WT1: variants seen among roughly 807,000 people sequenced by gnomAD.
The protein encoded by WT1 is Wilms tumor protein.
In WT1, 8 loss-of-function variants were observed where a neutral mutation model predicts 60.8. The observed-to-expected ratio is 0.13, with a 90% confidence interval of 0.08 to 0.24. WT1 has a LOEUF of 0.24. Ranked by LOEUF, WT1 falls within the 10% of genes least tolerant of loss-of-function variation. WT1 has a pLI of 1.00. For missense variants in WT1, 568 were observed against 711.8 expected (o/e 0.80, Z 2.30); for synonymous variants, 312 against 297.1 (o/e 1.05, Z -0.52).
chr11:32,408,264 G>A (rs1173592467), intron 5 of WT1, among the ~76,000 whole-genome samples: 2 of 150,270 alleles, frequency 1.3e-5, no homozygotes, highest in African/African-American at 4.9e-5. Context: ...TGTAATCCCA[G>A]CACTTTGGGA....
rs1851733216 is a variant in WT1, at chr11:32,388,777, C to T, written c.*281G>A. On this transcript the variant is annotated 3_prime_UTR_variant, in exon 10 of 10. Transcript: ENST00000452863. ...ACATGATCAGCTATGGCTCTTCTTACAGTAGAAAATCCACACCAAATGGCA... is the reference window on the plus strand; with the variant it reads ...ACATGATCAGCTATGGCTCTTCTTATAGTAGAAAATCCACACCAAATGGCA... 3 of 525,480 alleles carry T rather than the reference C, an allele frequency of 5.7e-6. No individual in the cohort carries two copies. Among genetic ancestry groups the T allele is most frequent in the Admixed American group, 6.4e-5 (2 of 31,078 alleles). 32.6% of individuals were successfully genotyped at this position (525,480 alleles called of 1,614,324 possible). A position where few individuals can be genotyped will look rare whatever the true frequency, so the allele number is the denominator to read the frequency against.
In WT1 at chr11:32,427,997, G is replaced by A. The variant is rs1281989931; in HGVS notation, c.846C>T (p.Cys282=). 3.7e-6 allele frequency: 6 copies of A among 1,611,840 alleles called. No homozygotes were observed. Among genetic ancestry groups the A allele is most frequent in the Non-Finnish European group, 5.1e-6 (6 of 1,179,192 alleles). ...TCAGCAGCAAAGCCTGGCTGCCGGT[G>A]CAGCTGTCGGTGGGGGTGTGGCAGC... Residue 282 remains cysteine, a synonymous_variant, in exon 3 of 10, where the codon TGC becomes TGT. Coordinates refer to ENST00000452863, the MANE Select transcript of WT1 (RefSeq NM_024426.6).
chr11:32,403,399 T>G (rs1056042753), intron 5 of WT1, among the ~76,000 whole-genome samples: 4 of 152,148 alleles, frequency 2.6e-5, no homozygotes, highest in African/African-American at 9.7e-5. Flanking sequence ...AAAGGCCATC[T>G]ACACCAACCC....
At chr11:32,419,058 G>GA (rs1564988592) in intron 3 of WT1, among the ~76,000 whole-genome samples, 1 of 151,864 alleles carries the variant, frequency 6.6e-6, no homozygotes, top group African/African-American at 2.4e-5. Flanking sequence ...ACATATCAAT[G>GA]AAAAAAAATG....
chr11:32,415,688 C>T (rs926875672), intron 5 of WT1, among the ~76,000 whole-genome samples: 1 of 152,164 alleles, frequency 6.6e-6, no homozygotes, highest in East Asian at 1.9e-4. Flanking sequence ...AATGCTAAAA[C>T]TGTCAGCAGT....
Position 32,427,947 on chromosome 11 carries a change from C to CCTT in WT1, c.887+6_887+8dup. The CCTT allele has an allele frequency of 6.2e-7, 1 of 1,606,412 alleles. No individual in the cohort carries two copies. The highest frequency in any genetic ancestry group is 2.2e-5 in the East Asian group (1 of 44,692). ...AAGGACCCAGACGCAGAGCCCAGCGCCTTCCTACCTGCTGTAGGGCGTCCT... is the reference window on the plus strand; with the variant it reads ...AAGGACCCAGACGCAGAGCCCAGCGCCTTCTTCCTACCTGCTGTAGGGCGTCCT... On this transcript the variant is annotated intron_variant, in intron 3 of 9. Coordinates refer to ENST00000452863, the MANE Select transcript of WT1 (RefSeq NM_024426.6).
intron 1 of WT1, 44 bp from the exon 2 acceptor site, chr11:32,428,663 G>C (rs775175632): frequency 6.3e-7 from 1 of 1,595,494 alleles, no homozygotes; most frequent in South Asian, 1.1e-5. Context: ...CGGTGCTCTC[G>C]CAAGACGGGG....
chr11:32,430,451 G>GGGGGGAGAGA lies in WT1; in HGVS notation c.662-1833_662-1832insTCTCTCCCCC, dbSNP rs1366922803. The GGGGGGAGAGA allele has an allele frequency of 8.7e-6, 8 of 923,770 alleles. No individual in the cohort carries two copies. In the African/African-American group the frequency reaches 2.4e-4, roughly 27 times the overall value. 57.2% of individuals were successfully genotyped at this position (923,770 alleles called of 1,614,324 possible). ...CAGACACAGAGAGAGAGAGAGAGAG[G>GGGGGGAGAGA]GAGGGAGAGAGAGAGAGAGAGAGAG... is the stretch of plus-strand genomic sequence containing the variant. On this transcript the variant is annotated intron_variant, in intron 1 of 9. Coordinates refer to ENST00000452863, the MANE Select transcript of WT1 (RefSeq NM_024426.6).
intron 1 of WT1, 133 bp downstream of exon 1, chr11:32,434,567 C>T (rs1853423454): frequency 6.6e-7 from 1 of 1,512,182 alleles, no homozygotes; most frequent in African/African-American, 1.4e-5. Context: ...GCCGCTTCCG[C>T]TATCCTCACG....
At chr11:32,428,703 G>C (rs541722316) in intron 1 of WT1, 84 bp from the exon 2 acceptor site, 201 of 1,553,712 alleles carry the variant, frequency 1.3e-4, no homozygotes, top group South Asian at 3.3e-4. Flanking sequence ...ACGGGCGGGG[G>C]GGGTGTGCGC....
rs1022099004 is a variant in WT1, at chr11:32,399,808, G to A, written c.1113+140C>T. 3.3e-6 allele frequency: 3 copies of A among 905,156 alleles called. No homozygotes were observed. The African/African-American group carries it at 5.0e-5, about 15-fold the overall frequency. 56.1% of individuals were successfully genotyped at this position (905,156 alleles called of 1,614,324 possible). ...CCTTATCAGACCCAGGGGACGAGCA[G>A]GTGTCCCTGATGTTAAAGGAGCCTG... is the stretch of plus-strand genomic sequence containing the variant. On this transcript the variant is annotated intron_variant, in intron 6 of 9. Transcript: ENST00000452863.
chr11:32,389,802 C>G (rs762855570), intron 9 of WT1, among the ~76,000 whole-genome samples: 1 of 151,666 alleles, frequency 6.6e-6, no homozygotes, highest in African/African-American at 2.4e-5. Flanking sequence ...CTAGTTGGGG[C>G]GTGGTTCTTA....
In WT1 at chr11:32,391,988, A is replaced by G; in HGVS notation, c.1431T>C (p.Thr477=). 6.2e-7 allele frequency: 1 copy of G among 1,614,164 alleles called. No homozygotes were observed. Residue 477 remains threonine (T), a synonymous_variant, in exon 9 of 10, where the codon ACT becomes ACC. Coordinates refer to ENST00000452863, the MANE Select transcript of WT1 (RefSeq NM_024426.6). Reference sequence around the variant, plus strand: ...TTTACGCACTTGTTTTACCTGTATGAGTCCTGGTGTGGGTCTTCAGGTGGT... The same window carrying G: ...TTTACGCACTTGTTTTACCTGTATGGGTCCTGGTGTGGGTCTTCAGGTGGT...
rs1590407881 is a variant in WT1, at chr11:32,434,262, C to T, written c.661+438G>A. ...GCAGCACAGCACAGGCGCTCACCCC[C>T]GCGCTGGTCCCACTCCGAATCCAGA... On this transcript the variant is annotated intron_variant, in intron 1 of 9. Transcript: ENST00000452863. 2.0e-5 allele frequency among the ~76,000 whole-genome samples: 3 copies of T among 152,338 alleles called. No individual in the cohort carries two copies. In the Middle Eastern group the frequency reaches 0.01, roughly 518 times the overall value.
chr11:32,392,784 A>G (rs1229010753), intron 7 of WT1, 29 bp from the exon 8 acceptor site: 2 of 1,605,424 alleles, frequency 1.2e-6, no homozygotes, highest in Non-Finnish European at 1.7e-6. Context: ...TCTATTTGAA[A>G]ATGATACTGG....
In WT1 at chr11:32,391,953, TGAA is replaced by T. The variant is rs1235706040; in HGVS notation, c.1447+16_1447+18del. The T allele has an allele frequency of 1.2e-6, 2 of 1,606,138 alleles. No homozygotes were observed. Among genetic ancestry groups the T allele is most frequent in the Non-Finnish European group, 1.7e-6 (2 of 1,172,860 alleles). On this transcript the variant is annotated intron_variant, in intron 9 of 9. Transcript: ENST00000452863. Reference sequence around the variant, plus strand: ...TTAAAAAAATAATGAAAAATAAATGTGAAGAAAAGTTTACGCACTTGTTTTACC... The same window carrying T: ...TTAAAAAAATAATGAAAAATAAATGTGAAAAGTTTACGCACTTGTTTTACC...
chr11:32,399,153 T>C (rs5030265), intron 6 of WT1, among the ~76,000 whole-genome samples: 6,523 of 118,102 alleles, frequency 0.055, 201 homozygotes, highest in Non-Finnish European at 0.08. Context: ...GAGACTCCCA[T>C]CTCAAAAAAA....
intron 5 of WT1, among the ~76,000 whole-genome samples, chr11:32,407,753 C>A (rs1425439251): frequency 1.3e-5 from 2 of 152,228 alleles, no homozygotes; most frequent in East Asian, 3.9e-4. Flanking sequence ...GCCTTGAGAA[C>A]CATCACCCCC....
intron 6 of WT1, among the ~76,000 whole-genome samples, chr11:32,397,714 T>C (rs1852015640): frequency 6.6e-6 from 1 of 152,214 alleles, no homozygotes; most frequent in Admixed American, 6.5e-5. Context: ...CCCATGCTTA[T>C]GTTCTAGTCC....
Sources: gnomAD v4.1 joint callset for allele counts (sites outside exome capture counted in the v4.1 genomes callset) on GRCh38, gnomAD v4.1.1 for gene constraint, MANE v1.5 for transcripts, NCBI Gene and HGNC (gene_info 2026-07-23, HGNC 2026-07-21) for gene names.